WDR72: variants seen among roughly 807,000 people sequenced by gnomAD.
WDR72 encodes WD repeat domain 72.
WDR72 carries 120 observed loss-of-function variants against 124.2 expected under a neutral mutation model. That is an observed-to-expected ratio of 0.97 (90% CI 0.83 to 1.12). The LOEUF (loss-of-function observed/expected upper bound fraction) is 1.12. WDR72 is among the 50% of genes most tolerant of loss of function. The pLI, the probability that WDR72 is intolerant of heterozygous loss-of-function variation, is 0.00. For missense variants in WDR72, 1,387 were observed against 1,278.8 expected (o/e 1.08, Z -1.29); for synonymous variants, 452 against 441.7 (o/e 1.02, Z -0.29).
chr15:53,688,236 G>T (rs535344955), intron 13 of WDR72, among the ~76,000 whole-genome samples: 4,935 of 143,010 alleles, frequency 0.035, 307 homozygotes, highest in African/African-American at 0.12. Flanking sequence ...GAGAAGGAAA[G>T]AAAGGGTATT....
intron 1 of WDR72, chr15:53,759,359 T>A (rs1226594727): frequency 2.0e-5 from 3 of 152,324 alleles, no homozygotes; most frequent in South Asian, 4.1e-4. Context: ...GATGAGCGGC[T>A]TTGTTCACTC....
intron 18 of WDR72, among the ~76,000 whole-genome samples, chr15:53,585,051 G>A (rs61194888): frequency 0.34 from 52,102 of 151,798 alleles, 9,273 homozygotes; most frequent in Middle Eastern, 0.56. Flanking sequence ...CTCTAAAAGT[G>A]CCTACATCCC....
In WDR72 at chr15:53,733,029, G is replaced by A; in HGVS notation, c.121C>T (p.Leu41Phe). 2 of 1,614,054 alleles carry A rather than the reference G, an allele frequency of 1.2e-6. No homozygotes were observed. Among genetic ancestry groups the A allele is most frequent in the Non-Finnish European group, 1.7e-6 (2 of 1,179,968 alleles). The stretch of plus-strand genomic sequence containing the variant: ...TCATGTGAGAGATTCCAGAGACAGA[G>A]CTGACCCTCTTGACTTCCAGTCACA... ...TIVTGSQEGQ[L>F]CLWNLSHELK... The change falls in exon 2 of 20, where the codon CTC becomes TTC. Residue 41 changes from leucine (L) to phenylalanine (F), a missense_variant. Transcript: ENST00000360509.
chr15:53,736,102 T>A (rs1167103987), intron 1 of WDR72, among the ~76,000 whole-genome samples: 2 of 151,904 alleles, frequency 1.3e-5, no homozygotes, highest in Non-Finnish European at 2.9e-5. Context: ...TTAAGATAAA[T>A]CAGAGATGTT....
chr15:53,651,467 A>G (rs2015237991), intron 14 of WDR72, among the ~76,000 whole-genome samples: 1 of 152,228 alleles, frequency 6.6e-6, no homozygotes, highest in South Asian at 2.1e-4. Flanking sequence ...TGCCTGGTAC[A>G]TAGTAGATGT....
At chr15:53,538,287 CTT>C (rs1257551580) in intron 18 of WDR72, among the ~76,000 whole-genome samples, 1 of 152,110 alleles carries the variant, frequency 6.6e-6, no homozygotes, top group Non-Finnish European at 1.5e-5. Flanking sequence ...CAACTATAAT[CTT>C]TTATATTTCA....
At chr15:53,734,078 C>T (rs1035879238) in intron 1 of WDR72, among the ~76,000 whole-genome samples, 22 of 152,102 alleles carry the variant, frequency 1.4e-4, no homozygotes, top group African/African-American at 5.3e-4. Flanking sequence ...TGCTAAACCA[C>T]CAAAAGTGTA....
chr15:53,678,962 T>C (rs1475758248), intron 13 of WDR72, among the ~76,000 whole-genome samples: 2 of 152,068 alleles, frequency 1.3e-5, no homozygotes, highest in African/African-American at 4.8e-5. Context: ...TAAAATGGAG[T>C]ATCAGTCAGC....
intron 18 of WDR72, among the ~76,000 whole-genome samples, chr15:53,582,089 C>T (rs1429673561): frequency 6.6e-6 from 1 of 151,922 alleles, no homozygotes; most frequent in African/African-American, 2.4e-5. Context: ...GTTGTTATAA[C>T]TGGAGCATCT....
At chr15:53,583,542 CT>C (rs1362408685) in intron 18 of WDR72, among the ~76,000 whole-genome samples, 1 of 151,908 alleles carries the variant, frequency 6.6e-6, no homozygotes, top group African/African-American at 2.4e-5. Context: ...CTGGAGACCT[CT>C]TGATATTTTT....
At position 53,610,911 on chromosome 15, in the gene WDR72, G is replaced by T. The variant is rs187357606; in HGVS notation, c.2873-1319C>A. Among the ~76,000 whole-genome samples the T allele has an allele frequency of 2.4e-4, 36 of 152,010 alleles. No individual in the cohort carries two copies. In the East Asian group the frequency reaches 6.8e-3, roughly 29 times the overall value. On this transcript the variant is annotated intron_variant, in intron 16 of 19. Transcript: ENST00000360509. ...GACTCAACCATCAAAGCTAAGTATT[G>T]GTCTCAACTGTAACTACTTACTAGC... is the stretch of plus-strand genomic sequence containing the variant.
chr15:53,712,275 T>C (rs1461634265), intron 7 of WDR72, among the ~76,000 whole-genome samples: 2 of 152,142 alleles, frequency 1.3e-5, no homozygotes. Context: ...TAGTAGTATA[T>C]CCTAATTTTA....
At position 53,671,128 on chromosome 15, in the gene WDR72, A is replaced by AT. The variant is rs962228265; in HGVS notation, c.1766-5361dup. On this transcript the variant is annotated intron_variant, in intron 13 of 19. Transcript: ENST00000360509. ...ATATGACATCAACAACCTGCTCATG[A>AT]TTTTTTTTTAACTGGCGCTGCACTT... is the stretch of plus-strand genomic sequence containing the variant. Among the ~76,000 whole-genome samples the AT allele has an allele frequency of 2.6e-4, 39 of 151,778 alleles. No individual in the cohort carries two copies. In the South Asian group the frequency reaches 3.1e-3, roughly 12 times the overall value.
chr15:53,691,266 G>A (rs1182703452), intron 13 of WDR72, among the ~76,000 whole-genome samples: 2 of 152,168 alleles, frequency 1.3e-5, no homozygotes, highest in South Asian at 2.1e-4. Flanking sequence ...GCCCAGTCTT[G>A]TCTCAAACTC....
intron 13 of WDR72, among the ~76,000 whole-genome samples, chr15:53,696,288 T>G (rs1220692023): frequency 6.6e-6 from 1 of 152,132 alleles, no homozygotes; most frequent in Non-Finnish European, 1.5e-5. Flanking sequence ...CAGGAAAAAT[T>G]GACTGGAGTA....
chr15:53,618,118 G>A (rs1192984023), intron 14 of WDR72, among the ~76,000 whole-genome samples: 1 of 151,788 alleles, frequency 6.6e-6, no homozygotes, highest in South Asian at 2.1e-4. Flanking sequence ...GCCTCCATTT[G>A]GACTAAAAAG....
intron 9 of WDR72, among the ~76,000 whole-genome samples, chr15:53,708,772 A>G (rs2017455642): frequency 6.6e-6 from 1 of 152,154 alleles, no homozygotes; most frequent in African/African-American, 2.4e-5. Flanking sequence ...TATCCCAGCT[A>G]TTCCCACTTC....
intron 18 of WDR72, among the ~76,000 whole-genome samples, chr15:53,532,987 C>T (rs1892563880): frequency 1.3e-5 from 2 of 152,096 alleles, no homozygotes; most frequent in Admixed American, 6.6e-5. Context: ...ACTGAGCTAT[C>T]ATTTGTTATG....
intron 2 of WDR72, among the ~76,000 whole-genome samples, chr15:53,729,298 G>T (rs900169767): frequency 2.9e-4 from 44 of 152,070 alleles, no homozygotes; most frequent in African/African-American, 1.1e-3. Flanking sequence ...AAGTCTGCTA[G>T]CCATAGTCCC....
Sources: allele counts gnomAD v4.1 joint callset (sites outside exome capture counted in the v4.1 genomes callset), GRCh38; gene constraint gnomAD v4.1.1; transcripts MANE v1.5; gene names NCBI Gene and HGNC (gene_info 2026-07-23, HGNC 2026-07-21).